The following SPIN1 variants were observed in gnomAD, a reference collection of about 807,000 sequenced individuals.
SPIN1 encodes the protein spindlin-1.
Under a neutral mutation model 26.0 loss-of-function variants are expected in SPIN1, and 3 were observed. The observed-to-expected ratio is 0.12, with a 90% CI of 0.05 to 0.30. The LOEUF is 0.30. Ranked by LOEUF, SPIN1 falls within the 10% of genes least tolerant of loss-of-function variation. The pLI, the probability that SPIN1 is intolerant of heterozygous loss-of-function variation, is 1.00. For synonymous variants in SPIN1, 101 were observed against 116.5 expected (o/e 0.87, Z 0.86); for missense variants, 126 against 333.4 (o/e 0.38, Z 4.84).
chr9:88,443,873 G>A (rs1828189870), intron 2 of SPIN1, among the ~76,000 whole-genome samples: 1 of 152,132 alleles, frequency 6.6e-6, no homozygotes, highest in Admixed American at 6.5e-5. Context: ...AAAAATTCAG[G>A]AAATTGTAGG....
At chr9:88,409,696 G>A (rs1190968165) in intron 1 of SPIN1, among the ~76,000 whole-genome samples, 1 of 151,972 alleles carries the variant, frequency 6.6e-6, no homozygotes, top group Non-Finnish European at 1.5e-5. Flanking sequence ...AAATTAGCTG[G>A]GCATGGTGGC....
chr9:88,413,335 A>C (rs1827494967), intron 1 of SPIN1, among the ~76,000 whole-genome samples: 1 of 150,666 alleles, frequency 6.6e-6, no homozygotes, highest in Non-Finnish European at 1.5e-5. Context: ...TGGCCTCCTA[A>C]AGTGTTGGGA....
intron 2 of SPIN1, among the ~76,000 whole-genome samples, chr9:88,433,730 G>C (rs1055351728): frequency 6.6e-6 from 1 of 152,130 alleles, no homozygotes; most frequent in African/African-American, 2.4e-5. Flanking sequence ...AGACAAGACT[G>C]TCTGTCATAC....
At chr9:88,411,473 G>C in intron 1 of SPIN1, 4 of 1,067,656 alleles carry the variant, frequency 3.7e-6, no homozygotes, top group Non-Finnish European at 5.6e-6. Flanking sequence ...TGATGGCATG[G>C]AGAAGAGAGA....
At chr9:88,392,050 G>C (rs1826933271) in intron 1 of SPIN1, among the ~76,000 whole-genome samples, 1 of 152,124 alleles carries the variant, frequency 6.6e-6, no homozygotes. Flanking sequence ...TAAAACCTAT[G>C]GTGTAAGTCT....
intron 2 of SPIN1, among the ~76,000 whole-genome samples, 186 bp from the exon 3 acceptor site, chr9:88,448,755 G>C (rs1355159119): frequency 6.6e-6 from 1 of 152,108 alleles, no homozygotes; most frequent in Non-Finnish European, 1.5e-5. Context: ...TGTCTTTCAA[G>C]AATCTCTTGT....
At chr9:88,443,010 C>T (rs1231068506) in intron 2 of SPIN1, among the ~76,000 whole-genome samples, 2 of 150,524 alleles carry the variant, frequency 1.3e-5, no homozygotes, top group East Asian at 4.0e-4. Flanking sequence ...GTCCCAGCTA[C>T]TTGGGAGGCT....
intron 1 of SPIN1, 99 bp downstream of exon 1, chr9:88,388,637 C>G (rs1312201210): frequency 6.8e-6 from 1 of 147,756 alleles, no homozygotes; most frequent in African/African-American, 2.4e-5. Flanking sequence ...TGAGCGCGGC[C>G]CGCGCGGGGC....
intron 2 of SPIN1, among the ~76,000 whole-genome samples, chr9:88,430,524 A>G (rs774143727): frequency 1.4e-4 from 22 of 152,230 alleles, no homozygotes; most frequent in African/African-American, 1.9e-4. Flanking sequence ...CTATGTTTTA[A>G]AACTGCTACA....
chr9:88,454,022 ATT>A (rs963735758), intron 3 of SPIN1, among the ~76,000 whole-genome samples: 14 of 151,914 alleles, frequency 9.2e-5, no homozygotes, highest in Non-Finnish European at 1.8e-4. Context: ...CGATTATTTT[ATT>A]TTTTTTCTGG....
At chr9:88,463,327 AT>A (rs1828607006) in intron 4 of SPIN1, among the ~76,000 whole-genome samples, 1 of 152,214 alleles carries the variant, frequency 6.6e-6, no homozygotes, top group Non-Finnish European at 1.5e-5. Flanking sequence ...AAGGTAAATA[AT>A]AATTACTGAT....
At chr9:88,436,164 G>A (rs1418240422) in intron 2 of SPIN1, among the ~76,000 whole-genome samples, 3 of 152,158 alleles carry the variant, frequency 2.0e-5, no homozygotes, top group Non-Finnish European at 4.4e-5. Flanking sequence ...TCAGTTCCTT[G>A]GTTCAAGTGA....
In SPIN1 at chr9:88,468,588, G is replaced by A. The variant is rs1828716552; in HGVS notation, c.572G>A (p.Arg191His). Residue 191 changes from arginine (R) to histidine (H), a missense_variant, in exon 5 of 6, where the codon CGC (arginine) becomes CAC (histidine). By Grantham distance (29) the Arg-to-His change is conservative. Transcript: ENST00000375859. ...LLDDYKEGDL[R>H]IMPDSNDSPP... ...GATGATTACAAAGAAGGCGACCTTC[G>A]CATTATGCCTGATTCCAGTAAGTAT... 6.5e-7 allele frequency: 1 copy of A among 1,547,810 alleles called. No homozygotes were observed. The highest frequency in any genetic ancestry group is 2.3e-5 in the East Asian group (1 of 43,056).
intron 1 of SPIN1, among the ~76,000 whole-genome samples, chr9:88,400,636 A>T (rs561244473): frequency 5.3e-5 from 8 of 152,200 alleles, no homozygotes; most frequent in Non-Finnish European, 1.2e-4. Flanking sequence ...ACCTGAGGTA[A>T]GGAGTTTGAG....
At chr9:88,450,720 C>A (rs777510414) in intron 3 of SPIN1, among the ~76,000 whole-genome samples, 17 of 152,178 alleles carry the variant, frequency 1.1e-4, no homozygotes, top group Non-Finnish European at 2.1e-4. Flanking sequence ...GAGCATATTA[C>A]TATCTAGCAA....
At chr9:88,429,919 G>A (rs963998466) in intron 2 of SPIN1, among the ~76,000 whole-genome samples, 1 of 152,176 alleles carries the variant, frequency 6.6e-6, no homozygotes, top group Non-Finnish European at 1.5e-5. Context: ...ATTGGAAGCT[G>A]TAAGTCAAGA....
chr9:88,451,172 C>A (rs892775884), intron 3 of SPIN1, among the ~76,000 whole-genome samples: 1 of 152,170 alleles, frequency 6.6e-6, no homozygotes, highest in Non-Finnish European at 1.5e-5. Context: ...TCTGACTCAA[C>A]GGGAGTTGCA....
chr9:88,444,840 A>C (rs1272189022), intron 2 of SPIN1, among the ~76,000 whole-genome samples: 1 of 151,282 alleles, frequency 6.6e-6, no homozygotes, highest in Non-Finnish European at 1.5e-5. Flanking sequence ...ACAGGTGACC[A>C]CCAGCACGCC....
chr9:88,410,799 A>G, intron 1 of SPIN1: 2 of 1,013,546 alleles, frequency 2.0e-6, no homozygotes, highest in South Asian at 2.5e-5. Flanking sequence ...CACCATGACC[A>G]CTGAAGTTTC....
Sources: gnomAD v4.1 joint callset for allele counts (sites outside exome capture counted in the v4.1 genomes callset) on GRCh38, gnomAD v4.1.1 for gene constraint, MANE v1.5 for transcripts, NCBI Gene and HGNC (gene_info 2026-07-23, HGNC 2026-07-21) for gene names.